Variants in KPNA6 observed in about 807,000 individuals in gnomAD.
KPNA6 encodes the protein importin subunit alpha-7.
A neutral mutation model predicts 72.0 loss-of-function variants in KPNA6; 9 were observed. The observed-to-expected ratio is 0.13, with a 90% CI of 0.08 to 0.22. KPNA6 has a LOEUF of 0.22. KPNA6 is among the 10% of genes least tolerant of loss of function. The probability of loss-of-function intolerance (pLI) is 1.00; values close to 1 mark genes in which losing one functional copy is unlikely to be tolerated. For missense variants in KPNA6, 374 were observed against 655.7 expected (o/e 0.57, Z 4.69); for synonymous variants, 219 against 242.1 (o/e 0.90, Z 0.89).
At position 32,170,977 on chromosome 1, in the gene KPNA6, T is replaced by C. The variant is rs1642425506; in HGVS notation, c.*83T>C. ...CCCTCTGGTGGGCGGGAAACCAGTG[T>C]CCCCACCATCAGCCACCACACACCT... is the stretch of plus-strand genomic sequence containing the variant. On this transcript the variant is annotated 3_prime_UTR_variant, in exon 14 of 14. Transcript: ENST00000373625. 1 of 1,240,630 alleles carries C rather than the reference T, an allele frequency of 8.1e-7. No individual in the cohort carries two copies. The highest frequency in any genetic ancestry group is 1.3e-5 in the South Asian group (1 of 79,046). The allele number at this position is 1,240,630 out of a possible 1,614,324, so 76.9% of individuals were successfully genotyped here.
chr1:32,163,824 TGGACA>T (rs1642284842), intron 10 of KPNA6, among the ~76,000 whole-genome samples: 1 of 152,238 alleles, frequency 6.6e-6, no homozygotes, highest in Admixed American at 6.5e-5. Context: ...TGTGGGATTC[TGGACA>T]GGTTTCTTAA....
At chr1:32,134,265 A>AG (rs1641695110) in intron 1 of KPNA6, among the ~76,000 whole-genome samples, 1 of 151,876 alleles carries the variant, frequency 6.6e-6, no homozygotes, top group Non-Finnish European at 1.5e-5. Flanking sequence ...TCAAAAAAAA[A>AG]AAAAAAATTC....
chr1:32,114,141 G>A (rs1013871128), intron 1 of KPNA6, among the ~76,000 whole-genome samples: 1 of 151,996 alleles, frequency 6.6e-6, no homozygotes, highest in Admixed American at 6.6e-5. Flanking sequence ...TGTATTAACA[G>A]GTGGGAAAAC....
intron 5 of KPNA6, 123 bp from the exon 6 acceptor site, chr1:32,159,277 T>C: frequency 4.2e-6 from 4 of 959,846 alleles, no homozygotes; most frequent in Non-Finnish European, 6.3e-6. Context: ...TGCTTGTGTT[T>C]TGTGAGGTTT....
chr1:32,156,416 G>A (rs1236828404), intron 2 of KPNA6, among the ~76,000 whole-genome samples: 1 of 151,818 alleles, frequency 6.6e-6, no homozygotes, highest in East Asian at 1.9e-4. Context: ...TGCACTTTGT[G>A]GCTATTACTA....
intron 1 of KPNA6, among the ~76,000 whole-genome samples, chr1:32,132,152 G>T (rs377069363): frequency 4.0e-5 from 6 of 151,866 alleles, no homozygotes; most frequent in African/African-American, 1.5e-4. Flanking sequence ...TGTATTTTTA[G>T]TAGAGACAGA....
rs926232310 is a variant in KPNA6, at chr1:32,132,731, G to A, written c.5-21857G>A. Among the ~76,000 whole-genome samples the A allele has an allele frequency of 4.6e-5, 7 of 152,036 alleles. No individual in the cohort carries two copies. The South Asian group carries it at 6.2e-4, about 14-fold the overall frequency. On this transcript the variant is annotated intron_variant, in intron 1 of 13. Transcript: ENST00000373625. The stretch of plus-strand genomic sequence containing the variant: ...ATCCTGGCTAACACGGTGAAACCCC[G>A]TCTCTACTAAAAATACAAAAAATTA...
intron 1 of KPNA6, among the ~76,000 whole-genome samples, chr1:32,111,573 G>A (rs1569981033): frequency 6.6e-6 from 1 of 152,092 alleles, no homozygotes; most frequent in African/African-American, 2.4e-5. Context: ...GGTATCTTGG[G>A]TTATCTCCAT....
intron 12 of KPNA6, among the ~76,000 whole-genome samples, chr1:32,169,002 A>G (rs1642387252): frequency 6.6e-6 from 1 of 152,188 alleles, no homozygotes; most frequent in Admixed American, 6.5e-5. Context: ...GAAATGAACT[A>G]GACCAACCAC....
chr1:32,144,883 T>C (rs1307641923), intron 1 of KPNA6, among the ~76,000 whole-genome samples: 2 of 151,920 alleles, frequency 1.3e-5, no homozygotes, highest in African/African-American at 2.4e-5. Flanking sequence ...CACCCTTAGA[T>C]AATCTCCCCA....
chr1:32,170,081 C>G lies in KPNA6; in HGVS notation c.1423+21C>G, dbSNP rs775503302. 5.0e-6 allele frequency: 8 copies of G among 1,606,312 alleles called. No homozygotes were observed. Among genetic ancestry groups the G allele is most frequent in the Non-Finnish European group, 6.8e-6 (8 of 1,173,844 alleles). On this transcript the variant is annotated intron_variant, in intron 13 of 13. Coordinates refer to ENST00000373625, the MANE Select transcript of KPNA6 (RefSeq NM_012316.5). ...CTATGGTATGTGCCCTCTCCTCAATCTAGGTCAGAACCTGAGACTGTAGGC... is the reference window on the plus strand; with the variant it reads ...CTATGGTATGTGCCCTCTCCTCAATGTAGGTCAGAACCTGAGACTGTAGGC...
rs370841858 is a variant in KPNA6 at position 32,156,726 on chromosome 1, A to G, written c.139-127A>G. 25 of 654,848 alleles carry G rather than the reference A, an allele frequency of 3.8e-5. No individual in the cohort carries two copies. In the East Asian group the frequency reaches 5.4e-4, roughly 14 times the overall value. The allele number at this position is 654,848 out of a possible 1,614,324, so 40.6% of individuals were successfully genotyped here. On this transcript the variant is annotated intron_variant, in intron 2 of 13. Transcript: ENST00000373625. ...ACTGAATAAGGGGAGACTAATGTATAAAGCTTGGCCTCACTTCTCAGCTAC... is the reference window on the plus strand; with the variant it reads ...ACTGAATAAGGGGAGACTAATGTATGAAGCTTGGCCTCACTTCTCAGCTAC...
chr1:32,127,025 T>G (rs1016318767), intron 1 of KPNA6, among the ~76,000 whole-genome samples: 17 of 152,208 alleles, frequency 1.1e-4, no homozygotes, highest in African/African-American at 4.1e-4. Flanking sequence ...CACCATTGAT[T>G]CAGCATTTAG....
chr1:32,169,787 A>G, intron 12 of KPNA6, 95 bp from the exon 13 acceptor site: 1 of 1,120,252 alleles, frequency 8.9e-7, no homozygotes. Flanking sequence ...AAAAAAATAA[A>G]TTAGTAAGAG....
At chr1:32,153,796 C>T (rs1642083671) in intron 1 of KPNA6, among the ~76,000 whole-genome samples, 1 of 152,116 alleles carries the variant, frequency 6.6e-6, no homozygotes, top group African/African-American at 2.4e-5. Flanking sequence ...ACAACTTTGG[C>T]ACTAGCTGGT....
At chr1:32,131,413 C>A (rs904984707) in intron 1 of KPNA6, among the ~76,000 whole-genome samples, 1 of 152,006 alleles carries the variant, frequency 6.6e-6, no homozygotes, top group Non-Finnish European at 1.5e-5. Flanking sequence ...CTTTGGGAGG[C>A]CAAGGCAGGA....
At chr1:32,159,173 A>T (rs952691376) in intron 5 of KPNA6, among the ~76,000 whole-genome samples, 1 of 152,198 alleles carries the variant, frequency 6.6e-6, no homozygotes, top group Non-Finnish European at 1.5e-5. Flanking sequence ...ATTCTCATCT[A>T]TATCACATCA....
At chr1:32,151,709 A>G (rs771270060) in intron 1 of KPNA6, among the ~76,000 whole-genome samples, 4 of 152,190 alleles carry the variant, frequency 2.6e-5, no homozygotes, top group East Asian at 1.9e-4. Flanking sequence ...GAGAATCACA[A>G]TTCTGCATTG....
At chr1:32,122,612 C>G (rs1641453552) in intron 1 of KPNA6, among the ~76,000 whole-genome samples, 1 of 151,992 alleles carries the variant, frequency 6.6e-6, no homozygotes, top group Non-Finnish European at 1.5e-5. Context: ...TAGCGAGACC[C>G]TTTCTCATTT....
Sources: gnomAD v4.1 joint callset for allele counts (sites outside exome capture counted in the v4.1 genomes callset) on GRCh38, gnomAD v4.1.1 for gene constraint, MANE v1.5 for transcripts, NCBI Gene and HGNC (gene_info 2026-07-23, HGNC 2026-07-21) for gene names.